NTM: variants seen among roughly 807,000 people sequenced by gnomAD.
NTM encodes the protein IgLON family member 2.
A neutral mutation model predicts 42.1 loss-of-function variants in NTM; 13 were observed. The ratio of observed to expected loss-of-function variants is 0.31; its 90% CI spans 0.20 to 0.49. The LOEUF is 0.49. NTM is among the 20% of genes least tolerant of loss of function. The pLI is 0.99. For missense variants in NTM, 373 were observed against 452.8 expected, an observed-to-expected ratio of 0.82 and a Z score of 1.60; for synonymous variants, 187 against 179.2, an observed-to-expected ratio of 1.04 and a Z score of -0.35.
chr11:132,249,229 C>T (rs1222466502), intron 4 of NTM, among the ~76,000 whole-genome samples: 1 of 152,136 alleles, frequency 6.6e-6, no homozygotes, highest in African/African-American at 2.4e-5. Flanking sequence ...ACACCAGAGA[C>T]AGGATAAGGC....
At chr11:132,208,792 C>A (rs111378087) in intron 3 of NTM, among the ~76,000 whole-genome samples, 1 of 152,236 alleles carries the variant, frequency 6.6e-6, no homozygotes, top group Admixed American at 6.5e-5. Context: ...CTAAATCACC[C>A]TGTGTTCACA....
At chr11:131,991,220 T>G (rs2066962545) in intron 2 of NTM, among the ~76,000 whole-genome samples, 2 of 152,080 alleles carry the variant, frequency 1.3e-5, no homozygotes, top group African/African-American at 4.8e-5. Context: ...TTTTTGTTTG[T>G]TTTGTTTTGT....
At chr11:131,493,092 G>T (rs1186566298) in intron 1 of NTM, among the ~76,000 whole-genome samples, 2 of 152,012 alleles carry the variant, frequency 1.3e-5, no homozygotes, top group African/African-American at 4.8e-5. Flanking sequence ...GCTGGGCTTG[G>T]TGGCACATGT....
chr11:132,147,219 G>A (rs1413951282), intron 3 of NTM, among the ~76,000 whole-genome samples: 7 of 118,860 alleles, frequency 5.9e-5, no homozygotes, highest in Admixed American at 5.9e-4. Flanking sequence ...GTGTGTGAGA[G>A]AGAGAGAGAG....
At chr11:132,163,802 A>C (rs1243102915) in intron 3 of NTM, among the ~76,000 whole-genome samples, 4 of 152,208 alleles carry the variant, frequency 2.6e-5, no homozygotes, top group Admixed American at 2.6e-4. Context: ...GCGCATTGAG[A>C]TACTTGGGGT....
intron 2 of NTM, among the ~76,000 whole-genome samples, chr11:132,082,527 T>C (rs1216609811): frequency 6.6e-6 from 1 of 152,216 alleles, no homozygotes; most frequent in Non-Finnish European, 1.5e-5. Context: ...GACAGAATTT[T>C]CCATCATGGG....
At chr11:131,688,458 T>C (rs1352981901) in intron 1 of NTM, among the ~76,000 whole-genome samples, 1 of 152,258 alleles carries the variant, frequency 6.6e-6, no homozygotes, top group African/African-American at 2.4e-5. Context: ...ATGTCATTTC[T>C]CTTTTGGAGA....
At chr11:132,247,167 C>G (rs1445496577) in intron 4 of NTM, among the ~76,000 whole-genome samples, 2 of 152,222 alleles carry the variant, frequency 1.3e-5, no homozygotes, top group South Asian at 2.1e-4. Flanking sequence ...TCAGGCTCAT[C>G]ATTGATCGCC....
intron 1 of NTM, among the ~76,000 whole-genome samples, chr11:131,756,729 C>A (rs1470867121): frequency 1.3e-5 from 2 of 152,008 alleles, no homozygotes; most frequent in African/African-American, 2.4e-5. Flanking sequence ...ATTATCTCAT[C>A]TCAGGAAAAA....
chr11:132,211,017 T>C (rs1286412257), intron 3 of NTM, among the ~76,000 whole-genome samples: 3 of 152,272 alleles, frequency 2.0e-5, no homozygotes, highest in Admixed American at 2.0e-4. Flanking sequence ...ACCAGGTGTG[T>C]AGAATGTGCT....
At chr11:132,116,993 C>T (rs1475013093) in intron 2 of NTM, among the ~76,000 whole-genome samples, 1 of 152,180 alleles carries the variant, frequency 6.6e-6, no homozygotes, top group Non-Finnish European at 1.5e-5. Context: ...AATATTTTCT[C>T]AAGAGGTGAG....
intron 7 of NTM, among the ~76,000 whole-genome samples, chr11:132,316,021 C>A (rs946155379): frequency 2.6e-5 from 4 of 152,122 alleles, no homozygotes; most frequent in African/African-American, 9.7e-5. Context: ...CCTTGCTTTG[C>A]AAATCTAAAT....
chr11:132,263,076 C>A (rs2139569395), intron 4 of NTM, among the ~76,000 whole-genome samples: 1 of 152,306 alleles, frequency 6.6e-6, no homozygotes, highest in Admixed American at 6.5e-5. Flanking sequence ...AAGAATAGTC[C>A]TCTTTTGCTA....
At chr11:132,249,835 A>G (rs2091723170) in intron 4 of NTM, among the ~76,000 whole-genome samples, 1 of 152,212 alleles carries the variant, frequency 6.6e-6, no homozygotes, top group Admixed American at 6.5e-5. Context: ...CCGATAATCC[A>G]AGGATGTCCA....
intron 1 of NTM, among the ~76,000 whole-genome samples, chr11:131,623,330 T>C (rs893342169): frequency 2.0e-5 from 3 of 152,214 alleles, no homozygotes; most frequent in Non-Finnish European, 4.4e-5. Flanking sequence ...AGTGGAAATA[T>C]ATGTGAGAAA....
chr11:131,681,945 G>A (rs1592528531), intron 1 of NTM, among the ~76,000 whole-genome samples: 1 of 151,924 alleles, frequency 6.6e-6, no homozygotes. Context: ...CCCTCACCCT[G>A]TGGCTAGAGA....
intron 7 of NTM, among the ~76,000 whole-genome samples, chr11:132,319,972 C>A (rs893246951): frequency 2.6e-5 from 4 of 152,360 alleles, no homozygotes; most frequent in African/African-American, 9.6e-5. Flanking sequence ...ATCCCCTGTT[C>A]TGCAGCCTCC....
At chr11:131,425,262 T>C (rs1353829453) in intron 1 of NTM, among the ~76,000 whole-genome samples, 2 of 144,750 alleles carry the variant, frequency 1.4e-5, no homozygotes, top group East Asian at 4.2e-4. Context: ...ATAATTCAAA[T>C]GAAATAACTG....
At chr11:132,080,715 A>G (rs551434600) in intron 2 of NTM, among the ~76,000 whole-genome samples, 11 of 152,324 alleles carry the variant, frequency 7.2e-5, no homozygotes, top group African/African-American at 2.6e-4. Flanking sequence ...AGAGCTTGTT[A>G]AATGCATCTC....
Sources: allele counts gnomAD v4.1 joint callset (sites outside exome capture counted in the v4.1 genomes callset), GRCh38; gene constraint gnomAD v4.1.1; transcripts MANE v1.5; gene names NCBI Gene and HGNC (gene_info 2026-07-23, HGNC 2026-07-21).